FHL5: variants seen among roughly 807,000 people sequenced by gnomAD.
The protein encoded by FHL5 is four and a half LIM domains protein 5.
FHL5 carries 33 observed loss-of-function variants against 32.0 expected under a neutral mutation model. That is an observed-to-expected ratio of 1.03 (90% CI 0.78 to 1.38). FHL5 has a LOEUF of 1.38. Ranked by LOEUF, FHL5 falls within the 40% of genes most tolerant of loss-of-function variation. The pLI is 0.00. For missense variants in FHL5, 336 were observed against 343.9 expected, an observed-to-expected ratio of 0.98 and a Z score of 0.18; for synonymous variants, 114 against 113.6, an observed-to-expected ratio of 1.00 and a Z score of -0.02.
At chr6:96,591,558 C>T (rs1770917872) in intron 1 of FHL5, among the ~76,000 whole-genome samples, 1 of 152,162 alleles carries the variant, frequency 6.6e-6, no homozygotes, top group East Asian at 1.9e-4. Context: ...GTCAAAAGAT[C>T]TTTTACCTGG....
At chr6:96,584,461 T>TTGTGTG (rs781665593) in intron 1 of FHL5, among the ~76,000 whole-genome samples, 4 of 85,220 alleles carry the variant, frequency 4.7e-5, no homozygotes, top group Admixed American at 1.1e-4. Context: ...GTGTGTGTGT[T>TTGTGTG]TGTGTGTGTG....
At chr6:96,594,987 A>C (rs1294432695) in intron 1 of FHL5, among the ~76,000 whole-genome samples, 2 of 151,868 alleles carry the variant, frequency 1.3e-5, no homozygotes, top group Non-Finnish European at 2.9e-5. Context: ...CCCACAAATT[A>C]TTATTGTTTT....
At chr6:96,598,660 C>T (rs1209319481) in intron 1 of FHL5, among the ~76,000 whole-genome samples, 4 of 152,092 alleles carry the variant, frequency 2.6e-5, no homozygotes, top group Non-Finnish European at 5.9e-5. Flanking sequence ...AGGGGTGCAC[C>T]TTGGATATTT....
intron 4 of FHL5, among the ~76,000 whole-genome samples, chr6:96,608,178 G>A (rs538935310): frequency 3.5e-4 from 54 of 152,208 alleles, no homozygotes; most frequent in African/African-American, 1.3e-3. Flanking sequence ...ACACAATAAT[G>A]AAGACTCTTT....
At chr6:96,608,657 A>T (rs1042282945) in intron 4 of FHL5, among the ~76,000 whole-genome samples, 4 of 152,326 alleles carry the variant, frequency 2.6e-5, no homozygotes, top group Middle Eastern at 3.4e-3. Context: ...AAGGAGTTAA[A>T]CGTCTTCTTC....
intron 1 of FHL5, among the ~76,000 whole-genome samples, chr6:96,593,256 T>G (rs964811589): frequency 1.3e-5 from 2 of 152,150 alleles, no homozygotes; most frequent in Non-Finnish European, 2.9e-5. Flanking sequence ...ATATTAAGGA[T>G]AGTTTTATGT....
intron 1 of FHL5, among the ~76,000 whole-genome samples, chr6:96,568,889 A>G (rs540293632): frequency 5.3e-5 from 8 of 151,684 alleles, no homozygotes; most frequent in African/African-American, 1.9e-4. Flanking sequence ...GATTTTGTTT[A>G]TCTTTTCAAA....
chr6:96,604,907 A>G lies in FHL5; in HGVS notation c.317A>G (p.Lys106Arg), dbSNP rs1198534359. 2 of 1,609,178 alleles carry G rather than the reference A, an allele frequency of 1.2e-6. No homozygotes were observed. The highest frequency in any genetic ancestry group is 2.2e-5 in the East Asian group (1 of 44,664). Residue 106 changes from lysine (K) to arginine (R), a missense_variant, in exon 3 of 6, where the codon AAG (lysine) becomes AGG (arginine). Transcript: ENST00000450218. ...NECSSKCFHC[K>R]RTIMPGSRKM... ...TGCTCCTCCAAGTGCTTCCACTGCA[A>G]GAGGACCATCATGCCTGGTAGGGTC...
chr6:96,605,979 G>C lies in FHL5; in HGVS notation c.412G>C (p.Gly138Arg). The C allele has an allele frequency of 1.9e-6, 3 of 1,614,100 alleles. No homozygotes were observed. The highest frequency in any genetic ancestry group is 2.5e-6 in the Non-Finnish European group (3 of 1,179,992). Residue 138 changes from glycine to arginine, a missense_variant, in exon 4 of 6, where the codon GGG (glycine) becomes CGG (arginine). Transcript: ENST00000450218. Reference sequence around the variant, plus strand: ...GTGTGAGAATTGCCGACAACCTATAGGGACAAAGCCTTTGATCTCCAAAGA... The same window carrying C: ...GTGTGAGAATTGCCGACAACCTATACGGACAAAGCCTTTGATCTCCAAAGA... ...FVCENCRQPI[G>R]TKPLISKESG...
intron 1 of FHL5, among the ~76,000 whole-genome samples, chr6:96,593,304 G>T (rs1235196523): frequency 1.3e-5 from 2 of 152,024 alleles, no homozygotes; most frequent in African/African-American, 4.8e-5. Context: ...CTTCCTGCAT[G>T]TATGTTTCTA....
At chr6:96,576,890 A>G (rs916661106) in intron 1 of FHL5, among the ~76,000 whole-genome samples, 1 of 152,236 alleles carries the variant, frequency 6.6e-6, no homozygotes, top group Non-Finnish European at 1.5e-5. Context: ...AGCTACTAAT[A>G]CTGTGAACAC....
At chr6:96,600,419 T>C (rs762899498) in intron 1 of FHL5, among the ~76,000 whole-genome samples, 5 of 152,200 alleles carry the variant, frequency 3.3e-5, no homozygotes, top group Admixed American at 1.3e-4. Context: ...TCACTTCTCT[T>C]TTCCCTTCCT....
intron 1 of FHL5, among the ~76,000 whole-genome samples, chr6:96,570,853 T>C (rs1770460740): frequency 6.6e-6 from 1 of 152,124 alleles, no homozygotes; most frequent in African/African-American, 2.4e-5. Flanking sequence ...GTTCTTTTTA[T>C]GATTTTTATC....
chr6:96,594,306 A>C (rs2127968468), intron 1 of FHL5, among the ~76,000 whole-genome samples: 1 of 138,334 alleles, frequency 7.2e-6, no homozygotes, highest in African/African-American at 2.7e-5. Flanking sequence ...GAGGTGTCTT[A>C]TAATTTTTTG....
At chr6:96,604,510 G>A (rs1428425996) in intron 2 of FHL5, among the ~76,000 whole-genome samples, 1 of 152,010 alleles carries the variant, frequency 6.6e-6, no homozygotes, top group Non-Finnish European at 1.5e-5. Context: ...AGACACAGCA[G>A]AGAATGTATT....
intron 1 of FHL5, among the ~76,000 whole-genome samples, chr6:96,594,802 T>C (rs1274982753): frequency 2.0e-5 from 3 of 151,984 alleles, no homozygotes; most frequent in Non-Finnish European, 4.4e-5. Flanking sequence ...GAGTTTTCCA[T>C]TAAAATTTAA....
intron 5 of FHL5, 84 bp downstream of exon 5, chr6:96,610,842 T>C: frequency 9.8e-7 from 1 of 1,018,970 alleles, no homozygotes; most frequent in Non-Finnish European, 1.4e-6. Flanking sequence ...GGAAAAGCAA[T>C]TAAAAAATGG....
intron 5 of FHL5, among the ~76,000 whole-genome samples, chr6:96,611,603 T>G (rs1204179840): frequency 6.6e-6 from 1 of 152,254 alleles, no homozygotes; most frequent in Admixed American, 6.5e-5. Flanking sequence ...CTATTCCTAG[T>G]ATTCTTAGAA....
At chr6:96,603,227 T>C (rs1184970552) in intron 1 of FHL5, among the ~76,000 whole-genome samples, 1 of 152,256 alleles carries the variant, frequency 6.6e-6, no homozygotes. Context: ...AAGTAAGTGA[T>C]GATAGTTATT....
Sources: allele counts gnomAD v4.1 joint callset (sites outside exome capture counted in the v4.1 genomes callset), GRCh38; gene constraint gnomAD v4.1.1; transcripts MANE v1.5; gene names NCBI Gene and HGNC (gene_info 2026-07-23, HGNC 2026-07-21).